The following PARN variants were observed in gnomAD, a reference collection of about 807,000 sequenced individuals.
PARN encodes the protein poly(A)-specific ribonuclease PARN.
A neutral mutation model predicts 102.8 loss-of-function variants in PARN; 71 were observed. The observed-to-expected ratio is 0.69, with a 90% CI of 0.57 to 0.84. PARN has a LOEUF of 0.84. Ranked by LOEUF, PARN falls within the 40% of genes least tolerant of loss-of-function variation. PARN has a pLI of 0.00. For synonymous variants in PARN, 261 were observed against 252.9 expected, an observed-to-expected ratio of 1.03 and a Z score of -0.30; for missense variants, 782 against 760.9, an observed-to-expected ratio of 1.03 and a Z score of -0.33.
At chr16:14,483,331 A>G (rs934882336) in intron 21 of PARN, among the ~76,000 whole-genome samples, 1 of 152,300 alleles carries the variant, frequency 6.6e-6, no homozygotes, top group East Asian at 1.9e-4. Flanking sequence ...TACATGCATT[A>G]TATCTAATCT....
intron 21 of PARN, among the ~76,000 whole-genome samples, chr16:14,509,361 C>A (rs1192020368): frequency 6.6e-6 from 1 of 152,292 alleles, no homozygotes; most frequent in South Asian, 2.1e-4. Flanking sequence ...TTAGGAGCTA[C>A]TGAGCTGGAG....
chr16:14,623,484 A>C (rs1482546579), intron 5 of PARN, among the ~76,000 whole-genome samples: 1 of 151,938 alleles, frequency 6.6e-6, no homozygotes, highest in Non-Finnish European at 1.5e-5. Context: ...ACTGCACTCC[A>C]GCCTGGAAAC....
At chr16:14,498,928 T>C (rs994580372) in intron 21 of PARN, among the ~76,000 whole-genome samples, 40 of 152,372 alleles carry the variant, frequency 2.6e-4, no homozygotes, top group Admixed American at 1.4e-3. Flanking sequence ...GAGTTCTGTC[T>C]AGACCCTACA....
At chr16:14,618,264 G>C (rs893965709) in intron 5 of PARN, among the ~76,000 whole-genome samples, 1 of 152,166 alleles carries the variant, frequency 6.6e-6, no homozygotes, top group African/African-American at 2.4e-5. Flanking sequence ...AAGGCGGGTA[G>C]ATCACGAGGT....
chr16:14,441,944 C>T (rs1173702813), intron 23 of PARN, among the ~76,000 whole-genome samples: 3 of 152,174 alleles, frequency 2.0e-5, no homozygotes, highest in South Asian at 2.1e-4. Context: ...TTAGTCAAGA[C>T]TCCAATAAAA....
At chr16:14,537,471 T>C (rs1029042318) in intron 21 of PARN, among the ~76,000 whole-genome samples, 3 of 152,160 alleles carry the variant, frequency 2.0e-5, no homozygotes, top group African/African-American at 7.2e-5. Flanking sequence ...GTCAAAGGCA[T>C]ACGCTGCACC....
intron 5 of PARN, among the ~76,000 whole-genome samples, chr16:14,624,991 C>T (rs922770836): frequency 3.3e-4 from 50 of 151,760 alleles, no homozygotes; most frequent in African/African-American, 1.1e-3. Context: ...TTAGCCTGGG[C>T]AACAAGAGCG....
At chr16:14,627,044 T>TCA (rs1972715965) in intron 5 of PARN, 62 bp downstream of exon 5, 1 of 952,740 alleles carries the variant, frequency 1.0e-6, no homozygotes, top group Non-Finnish European at 1.7e-6. Context: ...AATTCTGATT[T>TCA]CACATTTCCA....
intron 21 of PARN, among the ~76,000 whole-genome samples, chr16:14,526,653 TC>T (rs1966027582): frequency 6.6e-6 from 1 of 152,168 alleles, no homozygotes; most frequent in South Asian, 2.1e-4. Context: ...ATAAGGAGAT[TC>T]ATCTGCAGAA....
In PARN at chr16:14,584,761, T is replaced by C. The variant is rs2151754690; in HGVS notation, c.993A>G (p.Thr331=). The C allele has an allele frequency of 6.4e-7, 1 of 1,572,174 alleles. No homozygotes were observed. The highest frequency in any genetic ancestry group is 8.6e-7 in the Non-Finnish European group (1 of 1,164,150). The change falls in exon 15 of 24, where the codon ACA becomes ACG. Residue 331 remains threonine, a synonymous_variant. Coordinates refer to ENST00000437198, the MANE Select transcript of PARN (RefSeq NM_002582.4). Reference sequence around the variant, plus strand: ...AAATGAATAATACCTTAAAAGGTTGTGTGCTGGCCATCAATTTAGTATCCA... The same window carrying C: ...AAATGAATAATACCTTAAAAGGTTGCGTGCTGGCCATCAATTTAGTATCCA... ...RLLDTKLMAS[T]QPFKDIINNT...
intron 21 of PARN, among the ~76,000 whole-genome samples, chr16:14,546,382 C>T (rs1443645667): frequency 6.6e-6 from 1 of 152,190 alleles, no homozygotes; most frequent in Non-Finnish European, 1.5e-5. Context: ...CCTGAAAAAG[C>T]TTCTAAGGCA....
chr16:14,479,268 A>T (rs1260045339), intron 22 of PARN, among the ~76,000 whole-genome samples: 1 of 152,082 alleles, frequency 6.6e-6, no homozygotes, highest in Non-Finnish European at 1.5e-5. Context: ...AAAAATTTTT[A>T]AAAATTAGCC....
rs1972921802 is a variant in PARN at position 14,629,816 on chromosome 16, A to C, written c.20-142T>G. 8 of 710,022 alleles carry C rather than the reference A, an allele frequency of 1.1e-5. No individual in the cohort carries two copies. The South Asian group carries it at 1.2e-4, about 10-fold the overall frequency. The allele number at this position is 710,022 out of a possible 1,614,324, so 44.0% of individuals were successfully genotyped here. ...GGTGTGCACCGGGGCGAGGGGAATC[A>C]AGTCCTCGAGGGGTGCATGGGTCAG... On this transcript the variant is annotated intron_variant, in intron 1 of 23. Coordinates refer to ENST00000437198, the MANE Select transcript of PARN (RefSeq NM_002582.4).
In PARN at chr16:14,606,456, G is replaced by T. The variant is rs202000649; in HGVS notation, c.702+28C>A. 2,028 of 1,353,914 alleles carry T rather than the reference G, an allele frequency of 1.5e-3. 4 individuals are homozygous for T. Among genetic ancestry groups the T allele is most frequent in the Non-Finnish European group, 1.7e-3 (1,605 of 961,632 alleles). The allele number at this position is 1,353,914 out of a possible 1,614,324, so 83.9% of individuals were successfully genotyped here. A position where few individuals can be genotyped will look rare whatever the true frequency, so the allele number is the denominator to read the frequency against. The stretch of plus-strand genomic sequence containing the variant: ...CAGTGTAACAATGGATGTGTTTAAT[G>T]TTAGCCCTAGATAATTCTTGGGGTT... On this transcript the variant is annotated intron_variant, in intron 10 of 23. Coordinates refer to ENST00000437198, the MANE Select transcript of PARN (RefSeq NM_002582.4).
At chr16:14,451,524 C>T (rs926006881) in intron 22 of PARN, among the ~76,000 whole-genome samples, 2 of 152,054 alleles carry the variant, frequency 1.3e-5, no homozygotes, top group African/African-American at 4.8e-5. Context: ...GAAGCCTTCA[C>T]AGGAAAGGGT....
intron 18 of PARN, among the ~76,000 whole-genome samples, chr16:14,576,671 G>A (rs1969163508): frequency 6.6e-6 from 1 of 152,178 alleles, no homozygotes; most frequent in Non-Finnish European, 1.5e-5. Context: ...CATTTGCTGA[G>A]GAGACAGCCT....
chr16:14,446,545 A>G (rs1444406496), intron 23 of PARN, among the ~76,000 whole-genome samples: 1 of 152,154 alleles, frequency 6.6e-6, no homozygotes, highest in African/African-American at 2.4e-5. Context: ...TGAAAATAAC[A>G]TGTAGGAGGG....
At chr16:14,489,082 G>A (rs1309808151) in intron 21 of PARN, among the ~76,000 whole-genome samples, 1 of 152,014 alleles carries the variant, frequency 6.6e-6, no homozygotes, top group East Asian at 1.9e-4. Context: ...CTCACGCCCC[G>A]CAACACACAT....
Position 14,603,013 on chromosome 16 carries a change from C to T in PARN, c.783+1133G>A, listed in dbSNP as rs187288973. Among the ~76,000 whole-genome samples, 154 of 152,192 alleles carry T rather than the reference C, an allele frequency of 1.0e-3. 1 individual carries two copies. Among genetic ancestry groups the T allele is most frequent in the African/African-American group, 3.3e-3 (139 of 41,522 alleles). On this transcript the variant is annotated intron_variant, in intron 11 of 23. Coordinates refer to ENST00000437198, the MANE Select transcript of PARN (RefSeq NM_002582.4). ...CACTGCAACTGCAACCTCCACCTCC[C>T]GGGGTCAAGCAATTCTCCAGCATCA... is the stretch of plus-strand genomic sequence containing the variant.
Sources: allele counts gnomAD v4.1 joint callset (sites outside exome capture counted in the v4.1 genomes callset), GRCh38; gene constraint gnomAD v4.1.1; transcripts MANE v1.5; gene names NCBI Gene and HGNC (gene_info 2026-07-23, HGNC 2026-07-21).